The following DENND1A variants were observed in gnomAD, a reference collection of about 807,000 sequenced individuals.
DENND1A encodes DENN domain-containing protein 1A.
DENND1A carries 51 observed loss-of-function variants against 113.7 expected under a neutral mutation model. That is an observed-to-expected ratio of 0.45 (90% CI 0.36 to 0.57). DENND1A has a LOEUF of 0.57. Ranked by LOEUF, DENND1A falls within the 20% of genes least tolerant of loss-of-function variation. The pLI, the probability that DENND1A is intolerant of heterozygous loss-of-function variation, is 0.00. For missense variants in DENND1A, 1,258 were observed against 1,395.9 expected (o/e 0.90, Z 1.57); for synonymous variants, 565 against 570.8 (o/e 0.99, Z 0.14).
chr9:123,706,781 A>C (rs981826205), intron 5 of DENND1A, among the ~76,000 whole-genome samples: 3 of 151,054 alleles, frequency 2.0e-5, no homozygotes, highest in Non-Finnish European at 3.0e-5. Flanking sequence ...AAAAAAAAAA[A>C]AAAAAAAAAA....
At chr9:123,386,303 A>C (rs1280368671) in intron 22 of DENND1A, among the ~76,000 whole-genome samples, 1 of 152,136 alleles carries the variant, frequency 6.6e-6, no homozygotes, top group Non-Finnish European at 1.5e-5. Flanking sequence ...AAAAAATCGA[A>C]ACAAAGATTT....
intron 1 of DENND1A, among the ~76,000 whole-genome samples, chr9:123,896,137 G>C (rs571231111): frequency 1.3e-5 from 2 of 151,626 alleles, no homozygotes; most frequent in South Asian, 4.2e-4. Flanking sequence ...AGCTCCATCA[G>C]GAAAAAATAA....
intron 13 of DENND1A, among the ~76,000 whole-genome samples, chr9:123,539,477 G>T (rs2056108766): frequency 1.3e-5 from 2 of 151,898 alleles, no homozygotes; most frequent in Admixed American, 1.3e-4. Flanking sequence ...TTTTTTTAAT[G>T]CAAGGAAGTG....
intron 5 of DENND1A, among the ~76,000 whole-genome samples, chr9:123,682,308 C>T (rs949579901): frequency 1.4e-4 from 21 of 152,128 alleles, no homozygotes; most frequent in East Asian, 3.9e-4. Flanking sequence ...CAGTGCCTCC[C>T]GGGGGAAGAC....
At chr9:123,652,298 A>G (rs965016833) in intron 8 of DENND1A, 175 bp from the exon 9 acceptor site, 4 of 566,730 alleles carry the variant, frequency 7.1e-6, no homozygotes, top group African/African-American at 5.7e-5. Flanking sequence ...CATGAAGGGT[A>G]AAGTTGGAAG....
At chr9:123,635,879 C>G (rs967038619) in intron 9 of DENND1A, among the ~76,000 whole-genome samples, 1 of 152,152 alleles carries the variant, frequency 6.6e-6, no homozygotes, top group African/African-American at 2.4e-5. Context: ...ACTTTTTGAC[C>G]TGGGCAAGCC....
intron 2 of DENND1A, among the ~76,000 whole-genome samples, chr9:123,872,226 A>C (rs909415578): frequency 3.9e-5 from 6 of 152,242 alleles, no homozygotes; most frequent in African/African-American, 1.2e-4. Flanking sequence ...ATCTCCTCAA[A>C]ATGATATGAC....
intron 5 of DENND1A, among the ~76,000 whole-genome samples, chr9:123,707,582 G>C (rs1020104560): frequency 6.6e-6 from 1 of 152,088 alleles, no homozygotes; most frequent in Non-Finnish European, 1.5e-5. Context: ...TCAAAGAGAA[G>C]GCAGTGATTG....
intron 13 of DENND1A, chr9:123,461,896 C>T (rs2048554719): frequency 7.0e-6 from 1 of 141,900 alleles, no homozygotes; most frequent in South Asian, 2.2e-4. Context: ...GAAAGTCTAT[C>T]ACATGGTGTA....
chr9:123,840,761 T>A (rs1382422006), intron 2 of DENND1A, among the ~76,000 whole-genome samples: 1 of 152,176 alleles, frequency 6.6e-6, no homozygotes, highest in Non-Finnish European at 1.5e-5. Context: ...TATGCAAGAC[T>A]CAGCACCGCC....
chr9:123,453,793 T>A (rs984629099), intron 16 of DENND1A, among the ~76,000 whole-genome samples: 4 of 152,222 alleles, frequency 2.6e-5, no homozygotes, highest in Non-Finnish European at 5.9e-5. Context: ...GCATTCTATG[T>A]TGTAGGACAA....
chr9:123,812,076 C>A (rs1836713062), intron 2 of DENND1A, among the ~76,000 whole-genome samples: 1 of 152,092 alleles, frequency 6.6e-6, no homozygotes, highest in African/African-American at 2.4e-5. Context: ...TCCCATTATC[C>A]TCCTCCTTCC....
chr9:123,588,283 CAAAAAA>C (rs10640791), intron 11 of DENND1A, among the ~76,000 whole-genome samples: 9 of 68,072 alleles, frequency 1.3e-4, no homozygotes, highest in African/African-American at 4.4e-4. Flanking sequence ...AACTCTGTCT[CAAAAAA>C]AAAAAAAAAA....
chr9:123,563,669 C>T (rs2057890085), intron 12 of DENND1A, among the ~76,000 whole-genome samples: 3 of 152,158 alleles, frequency 2.0e-5, no homozygotes, highest in African/African-American at 7.2e-5. Flanking sequence ...TCATCCTTCG[C>T]ATTGAATTAC....
At chr9:123,701,160 G>C (rs2140655319) in intron 5 of DENND1A, among the ~76,000 whole-genome samples, 1 of 152,214 alleles carries the variant, frequency 6.6e-6, no homozygotes, top group South Asian at 2.1e-4. Context: ...AACACAAAAA[G>C]CATGAACTCA....
chr9:123,532,992 C>G (rs1262700134), intron 13 of DENND1A, among the ~76,000 whole-genome samples: 4 of 152,224 alleles, frequency 2.6e-5, no homozygotes, highest in Non-Finnish European at 5.9e-5. Context: ...CACTCACAAA[C>G]AACAATCATG....
At chr9:123,521,042 T>C (rs1351646874) in intron 13 of DENND1A, among the ~76,000 whole-genome samples, 2 of 152,194 alleles carry the variant, frequency 1.3e-5, no homozygotes, top group African/African-American at 4.8e-5. Flanking sequence ...GGTTCTACCA[T>C]GTATGACAGG....
intron 2 of DENND1A, among the ~76,000 whole-genome samples, chr9:123,870,497 C>T (rs1002346610): frequency 6.8e-6 from 1 of 146,404 alleles, no homozygotes; most frequent in Admixed American, 7.0e-5. Context: ...AGTGCAGTGG[C>T]GTGATCTGGG....
intron 5 of DENND1A, among the ~76,000 whole-genome samples, chr9:123,746,159 C>G (rs1024500966): frequency 6.6e-6 from 1 of 152,032 alleles, no homozygotes; most frequent in African/African-American, 2.4e-5. Context: ...TTTCTGTTTG[C>G]AGGTTATATT....
Sources: gnomAD v4.1 joint callset for allele counts (sites outside exome capture counted in the v4.1 genomes callset) on GRCh38, gnomAD v4.1.1 for gene constraint, MANE v1.5 for transcripts, NCBI Gene and HGNC (gene_info 2026-07-23, HGNC 2026-07-21) for gene names.